Variants in USP1 observed in about 807,000 individuals in gnomAD.
The protein encoded by USP1 is ubiquitin specific peptidase 1.
In USP1, 18 loss-of-function variants were observed where a neutral mutation model predicts 72.2. That is an observed-to-expected ratio of 0.25 (90% CI 0.17 to 0.37). The LOEUF (loss-of-function observed/expected upper bound fraction) is 0.37, where lower values mean the gene tolerates loss of function less well. Among genes scored for constraint, USP1 ranks in the 10% least tolerant of loss-of-function variants. The pLI is 1.00. For missense variants in USP1, 759 were observed against 884.9 expected (o/e 0.86, Z 1.81); for synonymous variants, 354 against 303.7 (o/e 1.17, Z -1.72).
intron 6 of USP1, among the ~76,000 whole-genome samples, chr1:62,446,814 AT>A (rs1222199466): frequency 5.3e-5 from 8 of 151,320 alleles, no homozygotes; most frequent in Non-Finnish European, 4.4e-5. Flanking sequence ...TTTATTTTTT[AT>A]TTTTTTTATT....
At chr1:62,447,615 C>A in intron 7 of USP1, 104 bp downstream of exon 7, 1 of 1,324,692 alleles carries the variant, frequency 7.5e-7, no homozygotes, top group Non-Finnish European at 1.0e-6. Context: ...GGGAAAAAAG[C>A]TAGCTTTTAG....
At chr1:62,448,346 A>G in intron 7 of USP1, 119 bp from the exon 8 acceptor site, 1 of 917,818 alleles carries the variant, frequency 1.1e-6, no homozygotes, top group Non-Finnish European at 1.6e-6. Flanking sequence ...AAATCTCTTT[A>G]GTTATTTAGG....
chr1:62,443,139 G>A lies in USP1; in HGVS notation c.397-20G>A. 1.9e-6 allele frequency: 3 copies of A among 1,604,512 alleles called. No homozygotes were observed. Among genetic ancestry groups the A allele is most frequent in the Middle Eastern group, 1.7e-4 (1 of 6,022 alleles). On this transcript the variant is annotated intron_variant, in intron 4 of 8. Transcript: ENST00000339950. ...AATTTGTTCATAAAATTATTGGTTT[G>A]TGTGTTTCTTTCTTGACAGGGAAAT...
chr1:62,441,609 G>T lies in USP1; in HGVS notation c.291+1G>T. ...TTGCTATCTTAATAGTATACTTCAG[G>T]TAAATTGACAATTTTGCTATATCAT... is the stretch of plus-strand genomic sequence containing the variant. On this transcript the variant is annotated splice_donor_variant, in intron 3 of 8. Coordinates refer to ENST00000339950, the MANE Select transcript of USP1 (RefSeq NM_003368.5). LOFTEE classifies it high-confidence loss of function. The T allele has an allele frequency of 1.2e-6, 2 of 1,602,490 alleles. No individual in the cohort carries two copies. Among genetic ancestry groups the T allele is most frequent in the Non-Finnish European group, 1.7e-6 (2 of 1,176,826 alleles).
At chr1:62,441,118 T>C (rs1164924368) in intron 2 of USP1, among the ~76,000 whole-genome samples, 2 of 152,100 alleles carry the variant, frequency 1.3e-5, no homozygotes, top group Non-Finnish European at 2.9e-5. Context: ...CTCTCCCAAA[T>C]ATTGTCATGG....
In USP1 at chr1:62,451,033, G is replaced by T. The variant is rs7556103; in HGVS notation, c.*52G>T. 2.6e-3 allele frequency: 3,866 copies of T among 1,467,988 alleles called. 107 individuals carry two copies. The African/African-American group carries it at 0.049, about 18-fold the overall frequency. The allele number at this position is 1,467,988 out of a possible 1,614,324, so 90.9% of individuals were successfully genotyped here. A position where few individuals can be genotyped will look rare whatever the true frequency, so the allele number is the denominator to read the frequency against. ...ATTAAACACACCCATACAAACATTGGTAAAGTTGATTACATCAAAGAATCT... is the reference window on the plus strand; with the variant it reads ...ATTAAACACACCCATACAAACATTGTTAAAGTTGATTACATCAAAGAATCT... On this transcript the variant is annotated 3_prime_UTR_variant, in exon 9 of 9. Transcript: ENST00000339950.
chr1:62,441,406 A>G, intron 2 of USP1, 82 bp from the exon 3 acceptor site: 1 of 1,404,606 alleles, frequency 7.1e-7, no homozygotes, highest in South Asian at 1.7e-5. Flanking sequence ...ACTTTTGGGA[A>G]AAGACTAAAT....
At position 62,444,822 on chromosome 1, in the gene USP1, A is replaced by C. The variant is rs1399063167; in HGVS notation, c.642A>C (p.Thr214=). 1.9e-6 allele frequency: 3 copies of C among 1,613,540 alleles called. No individual in the cohort carries two copies. The South Asian group carries it at 3.3e-5, about 18-fold the overall frequency. ...GTATTTTGGGAAACATTCAAGAAAC[A>C]TGCCAACTCCTAAAAAAAGAAGAAG... ...LQCILGNIQE[T]CQLLKKEEVK... Residue 214 remains threonine, a synonymous_variant, in exon 6 of 9, where the codon ACA becomes ACC. Coordinates refer to ENST00000339950, the MANE Select transcript of USP1 (RefSeq NM_003368.5).
intron 1 of USP1, among the ~76,000 whole-genome samples, chr1:62,438,537 G>T (rs1645108606): frequency 6.6e-6 from 1 of 152,198 alleles, no homozygotes; most frequent in African/African-American, 2.4e-5. Context: ...ATTTGAGTGA[G>T]TCTTGTGTAG....
intron 5 of USP1, 40 bp downstream of exon 5, chr1:62,443,359 AC>A (rs1421815759): frequency 3.9e-6 from 6 of 1,531,446 alleles, no homozygotes; most frequent in Non-Finnish European, 5.2e-6. Context: ...CAATTTAGCT[AC>A]TTGTTTATAT....
chr1:62,450,639 A>G lies in USP1; in HGVS notation c.2016A>G (p.Gln672=), dbSNP rs114296661. ...AAGCTATTGGACTTCTTGGAGGACA[A>G]AAGAGCAAAGCAGATTATGAGCTAT... ...NVEAIGLLGG[Q]KSKADYELYN... The change falls in exon 9 of 9, where the codon CAA becomes CAG. Residue 672 remains glutamine (Q), a synonymous_variant. Coordinates refer to ENST00000339950, the MANE Select transcript of USP1 (RefSeq NM_003368.5). The G allele has an allele frequency of 1.0e-3, 1,689 of 1,614,148 alleles. 13 individuals are homozygous for G. In the African/African-American group the frequency reaches 0.02, roughly 19 times the overall value.
chr1:62,438,100 A>G (rs899620341), intron 1 of USP1, among the ~76,000 whole-genome samples: 3 of 152,074 alleles, frequency 2.0e-5, no homozygotes, highest in African/African-American at 4.8e-5. Flanking sequence ...CACCTGGCAA[A>G]ATGTTACATT....
chr1:62,438,544 G>A (rs1645108705), intron 1 of USP1, among the ~76,000 whole-genome samples: 1 of 152,190 alleles, frequency 6.6e-6, no homozygotes, highest in Admixed American at 6.5e-5. Flanking sequence ...TGAGTCTTGT[G>A]TAGTTCATTT....
Position 62,450,806 on chromosome 1 carries a change from G to T in USP1, c.2183G>T (p.Gly728Val). ...SSDQTGINIS[G>V]FENKISYVVQ... The stretch of plus-strand genomic sequence containing the variant: ...GACCAAACAGGCATTAATATTAGTG[G>T]ATTTGAGAACAAAATTTCATACGTA... Residue 728 changes from glycine (G) to valine (V), a missense_variant, in exon 9 of 9, where the codon GGA becomes GTA. Coordinates refer to ENST00000339950, the MANE Select transcript of USP1 (RefSeq NM_003368.5). 9 of 1,613,978 alleles carry T rather than the reference G, an allele frequency of 5.6e-6. No individual in the cohort carries two copies. Among genetic ancestry groups the T allele is most frequent in the Non-Finnish European group, 7.6e-6 (9 of 1,179,960 alleles).
chr1:62,438,581 C>T (rs1645108924), intron 1 of USP1, among the ~76,000 whole-genome samples: 1 of 152,164 alleles, frequency 6.6e-6, no homozygotes, highest in Non-Finnish European at 1.5e-5. Flanking sequence ...AAATTTGAAA[C>T]TCGTTGCTGA....
intron 7 of USP1, 39 bp downstream of exon 7, chr1:62,447,550 T>C: frequency 2.5e-6 from 4 of 1,572,688 alleles, no homozygotes; most frequent in Admixed American, 2.0e-5. Flanking sequence ...CATGATGGAA[T>C]ATTTATAATT....
At position 62,445,201 on chromosome 1, in the gene USP1, T is replaced by G; in HGVS notation, c.1021T>G (p.Trp341Gly). 1 of 1,611,010 alleles carries G rather than the reference T, an allele frequency of 6.2e-7. No individual in the cohort carries two copies. The highest frequency in any genetic ancestry group is 1.1e-5 in the South Asian group (1 of 90,116). The change falls in exon 6 of 9, where the codon TGG becomes GGG. Residue 341 changes from tryptophan (W) to glycine (G), a missense_variant. Coordinates refer to ENST00000339950, the MANE Select transcript of USP1 (RefSeq NM_003368.5). Reference protein sequence around the residue: ...SQKKSRVKINWLKSATKQPSI... With the variant: ...SQKKSRVKINGLKSATKQPSI... ...AAAGAAATCAAGAGTTAAAATAAATTGGTTAAAGTCTGCAACTAAGCAACC... is the reference window on the plus strand; with the variant it reads ...AAAGAAATCAAGAGTTAAAATAAATGGGTTAAAGTCTGCAACTAAGCAACC...
Position 62,445,168 on chromosome 1 carries a change from C to T in USP1, c.988C>T (p.Pro330Ser). The T allele has an allele frequency of 6.2e-7, 1 of 1,613,350 alleles. No individual in the cohort carries two copies. Among genetic ancestry groups the T allele is most frequent in the Non-Finnish European group, 8.5e-7 (1 of 1,179,848 alleles). Residue 330 changes from proline (P) to serine (S), a missense_variant, in exon 6 of 9, where the codon CCC becomes TCC. By Grantham distance (74) the Pro-to-Ser change is moderately conservative. Coordinates refer to ENST00000339950, the MANE Select transcript of USP1 (RefSeq NM_003368.5). ...KYISENESPR[P>S]SQKKSRVKIN... ...TATTTCTGAAAATGAGAGTCCAAGA[C>T]CCTCACAAAAGAAATCAAGAGTTAA... is the stretch of plus-strand genomic sequence containing the variant.
intron 7 of USP1, 116 bp downstream of exon 7, chr1:62,447,627 G>A (rs567847182): frequency 8.9e-6 from 10 of 1,127,666 alleles, no homozygotes; most frequent in African/African-American, 1.6e-5. Flanking sequence ...AGCTTTTAGT[G>A]TCTAATGTAA....
Sources: allele counts gnomAD v4.1 joint callset (sites outside exome capture counted in the v4.1 genomes callset), GRCh38; gene constraint gnomAD v4.1.1; transcripts MANE v1.5; gene names NCBI Gene and HGNC (gene_info 2026-07-23, HGNC 2026-07-21).